The following FN1 variants were observed in gnomAD, a reference collection of about 807,000 sequenced individuals.
FN1 encodes the protein fibronectin 1.
A neutral mutation model predicts 297.3 loss-of-function variants in FN1; 106 were observed. The observed-to-expected ratio is 0.36, with a 90% CI of 0.30 to 0.42. The LOEUF (loss-of-function observed/expected upper bound fraction) is 0.42. FN1 is among the 10% of genes least tolerant of loss of function. The pLI is 1.00. For synonymous variants in FN1, 1,149 were observed against 1,152.6 expected (o/e 1.00, Z 0.06); for missense variants, 2,690 against 3,124.9 (o/e 0.86, Z 3.32).
intron 41 of FN1, 30 bp from the exon 42 acceptor site, chr2:215,368,057 G>A (rs2055008784): frequency 1.2e-6 from 2 of 1,612,070 alleles, no homozygotes; most frequent in Non-Finnish European, 1.7e-6. Flanking sequence ...AAAGCAAAAA[G>A]AGACATCTTA....
chr2:215,377,040 T>TTGTG (rs56966736), intron 35 of FN1, among the ~76,000 whole-genome samples: 1 of 150,804 alleles, frequency 6.6e-6, no homozygotes, highest in African/African-American at 2.4e-5. Flanking sequence ...GCTAACAATT[T>TTGTG]TGTGTGTGTG....
intron 20 of FN1, among the ~76,000 whole-genome samples, chr2:215,402,993 G>A (rs1051938706): frequency 1.3e-5 from 2 of 152,062 alleles, no homozygotes; most frequent in African/African-American, 2.4e-5. Context: ...GTTAAGGAAT[G>A]AACAAGACAA....
intron 23 of FN1, among the ~76,000 whole-genome samples, chr2:215,395,016 C>T (rs2060149079): frequency 6.6e-6 from 1 of 152,164 alleles, no homozygotes; most frequent in South Asian, 2.1e-4. Flanking sequence ...TAAAGGAAAT[C>T]TTGAACCAGG....
At chr2:215,385,701 A>G (rs981960801) in intron 28 of FN1, among the ~76,000 whole-genome samples, 11 of 151,910 alleles carry the variant, frequency 7.2e-5, no homozygotes, top group Non-Finnish European at 1.5e-4. Context: ...TTCAGCCTCT[A>G]TCTGCTAAGA....
rs917976746 is a variant in FN1 at position 215,364,881 on chromosome 2, G to A, written c.7249C>T (p.Arg2417Trp). Reference protein sequence around the residue: ...ICSCTCFGGQRGWRCDNCRRP... With the variant: ...ICSCTCFGGQWGWRCDNCRRP... ...GAGCCTGGCACATCCAGTCTTACCC[G>A]CTGGCCTCCAAAGCATGTGCAGGAG... The change falls in exon 44 of 46, where the codon CGG becomes TGG. Residue 2417 changes from arginine to tryptophan, a missense_variant and splice_region_variant. Around this residue, in one of 3 missense-constraint regions of FN1, gnomAD observed 1,743 missense variants for 1,945.2 expected, o/e 0.90. Transcript: ENST00000354785. 38 of 1,551,938 alleles carry A rather than the reference G, an allele frequency of 2.4e-5. No individual in the cohort carries two copies. The highest frequency in any genetic ancestry group is 3.1e-5 in the Non-Finnish European group (36 of 1,146,506).
rs2056610226 is a variant in FN1 at position 215,373,338 on chromosome 2, A to C, written c.6231T>G (p.Ile2077Met). Residue 2077 changes from isoleucine (I) to methionine (M), a missense_variant, in exon 39 of 46, where the codon ATT becomes ATG. By Grantham distance (10) the Ile-to-Met change is conservative. Around this residue, in one of 3 missense-constraint regions of FN1, gnomAD observed 1,743 missense variants for 1,945.2 expected, o/e 0.90. Coordinates refer to ENST00000354785, the MANE Select transcript of FN1 (RefSeq NM_212482.4). The part of the protein sequence containing the change: ...LKNNQKSEPL[I>M]GRKKTDELPQ... ...TACTCTTACCTGTCTTTTTCCTTCC[A>C]ATCAGGGGCTCGCTCTTCTGATTAT... 1 of 1,613,288 alleles carries C rather than the reference A, an allele frequency of 6.2e-7. No individual in the cohort carries two copies. Among genetic ancestry groups the C allele is most frequent in the African/African-American group, 1.3e-5 (1 of 74,862 alleles).
intron 44 of FN1, chr2:215,363,490 G>T (rs548926753): frequency 6.6e-6 from 1 of 152,328 alleles, no homozygotes; most frequent in African/African-American, 2.4e-5. Context: ...ATCACTGGGG[G>T]TGAAACAAGA....
intron 3 of FN1, 148 bp from the exon 4 acceptor site, chr2:215,432,112 G>A (rs561759768): frequency 5.7e-6 from 5 of 874,200 alleles, no homozygotes; most frequent in Non-Finnish European, 9.3e-6. Flanking sequence ...AACGTTAACA[G>A]GTCTGGTCAC....
At chr2:215,397,005 G>A (rs1422750213) in intron 23 of FN1, 132 bp downstream of exon 23, 18 of 769,552 alleles carry the variant, frequency 2.3e-5, no homozygotes, top group Admixed American at 1.5e-4. Flanking sequence ...ATCATGTACT[G>A]CTATAGTTTT....
At chr2:215,362,873 T>C (rs972609301) in intron 44 of FN1, 2 of 152,520 alleles carry the variant, frequency 1.3e-5, no homozygotes, top group African/African-American at 2.4e-5. Context: ...AGCCAGTGCA[T>C]GGGAAGGCAC....
intron 29 of FN1, 23 bp from the exon 30 acceptor site, chr2:215,384,207 A>G: frequency 6.2e-7 from 1 of 1,613,558 alleles, no homozygotes; most frequent in South Asian, 1.1e-5. Context: ...GGGTTAGTTC[A>G]GAGTGTGAGG....
intron 13 of FN1, among the ~76,000 whole-genome samples, chr2:215,412,951 C>T (rs1442971763): frequency 6.6e-6 from 1 of 152,006 alleles, no homozygotes; most frequent in African/African-American, 2.4e-5. Context: ...AGACCGATCG[C>T]ATCATGCATT....
At position 215,404,372 on chromosome 2, in the gene FN1, C is replaced by T. The variant is rs13306359; in HGVS notation, c.3253+17G>A. ...ATGTAAATATAGTTAAGAAAAGGCA[C>T]TTAATTTTCAGCTTACGTGTGGTAA... is the stretch of plus-strand genomic sequence containing the variant. On this transcript the variant is annotated intron_variant, in intron 20 of 45. Transcript: ENST00000354785. 616,989 of 1,607,384 alleles carry T rather than the reference C, an allele frequency of 0.38. 123,862 individuals are homozygous for T. The highest frequency in any genetic ancestry group is 0.5 in the South Asian group (44,974 of 90,650).
At chr2:215,425,706 C>T (rs1222276023) in intron 6 of FN1, among the ~76,000 whole-genome samples, 1 of 152,032 alleles carries the variant, frequency 6.6e-6, no homozygotes, top group Non-Finnish European at 1.5e-5. Flanking sequence ...GCACGCACCA[C>T]CATGCCCAGC....
At chr2:215,423,647 G>T in intron 8 of FN1, 121 bp from the exon 9 acceptor site, 1 of 884,328 alleles carries the variant, frequency 1.1e-6, no homozygotes, top group Non-Finnish European at 1.8e-6. Flanking sequence ...GTCTATCTCA[G>T]AATAAAAAAT....
chr2:215,401,230 GAAAGAAAGAAAGAAAGAAAGGAAGAAAGA>G (rs2061024998), intron 20 of FN1, among the ~76,000 whole-genome samples: 3 of 56,030 alleles, frequency 5.4e-5, no homozygotes, highest in East Asian at 3.0e-4. Flanking sequence ...AAGAAAGAAA[GAAAGAAAGAAAGAAAGAAAGGAAGAAAGA>G]AAGGAAGGAA....
chr2:215,428,448 T>C lies in FN1; in HGVS notation c.686-110A>G. On this transcript the variant is annotated intron_variant, in intron 5 of 45. Transcript: ENST00000354785. ...GCCTGGTAATCTATTTTTGGTAATA[T>C]GTTCATATTCAGCTCTGGTGCTGCA... is the stretch of plus-strand genomic sequence containing the variant. 6.4e-6 allele frequency: 6 copies of C among 941,156 alleles called. 1 individual carries two copies. The South Asian group carries it at 8.2e-5, about 13-fold the overall frequency. 58.3% of individuals were successfully genotyped at this position (941,156 alleles called of 1,614,324 possible).
chr2:215,408,004 T>G, intron 17 of FN1, 104 bp downstream of exon 17: 6 of 742,854 alleles, frequency 8.1e-6, no homozygotes, highest in Non-Finnish European at 1.4e-5. Flanking sequence ...TAAATTATAT[T>G]GGAGATTTAA....
intron 42 of FN1, among the ~76,000 whole-genome samples, chr2:215,366,465 T>C (rs2054625550): frequency 6.6e-6 from 1 of 152,022 alleles, no homozygotes; most frequent in Non-Finnish European, 1.5e-5. Flanking sequence ...CCGGATAAAA[T>C]AAAACAAAAG....
Sources: gnomAD v4.1 joint callset for allele counts (sites outside exome capture counted in the v4.1 genomes callset) on GRCh38, gnomAD v4.1.1 for gene constraint, gnomAD v4.1.1 regional missense constraint, MANE v1.5 for transcripts, NCBI Gene and HGNC (gene_info 2026-07-23, HGNC 2026-07-21) for gene names.